The following SGK1 variants were observed in gnomAD, a reference collection of about 807,000 sequenced individuals.
SGK1 encodes serum/glucocorticoid regulated kinase 1.
SGK1 carries 26 observed loss-of-function variants against 64.2 expected under a neutral mutation model. The ratio of observed to expected loss-of-function variants is 0.40; its 90% CI spans 0.30 to 0.56. The LOEUF is 0.56. Ranked by LOEUF, SGK1 falls within the 20% of genes least tolerant of loss-of-function variation. The probability of loss-of-function intolerance (pLI) is 0.38; values close to 1 mark genes in which losing one functional copy is unlikely to be tolerated. For synonymous variants in SGK1, 265 were observed against 239.7 expected (o/e 1.11, Z -0.98); for missense variants, 519 against 645.6 (o/e 0.80, Z 2.12).
intron 2 of SGK1, among the ~76,000 whole-genome samples, chr6:134,248,106 C>T (rs1247311792): frequency 6.6e-6 from 1 of 152,058 alleles, no homozygotes; most frequent in Non-Finnish European, 1.5e-5. Flanking sequence ...CACTTGTTCA[C>T]ATAAGCTATT....
rs369859676 is a variant in SGK1, at chr6:134,221,944, C to T, written c.286-14513G>A. The stretch of plus-strand genomic sequence containing the variant: ...CTAGGATTACAGGTGTGAGCTACCA[C>T]GCCCGGCTGGCATTCAATAAATCTT... On this transcript the variant is annotated intron_variant, in intron 2 of 13. Coordinates refer to ENST00000367858, the MANE Select transcript of SGK1 (RefSeq NM_001143676.3). Among the ~76,000 whole-genome samples the T allele has an allele frequency of 3.9e-5, 6 of 152,310 alleles. No homozygotes were observed. The East Asian group carries it at 5.8e-4, about 15-fold the overall frequency.
intron 2 of SGK1, among the ~76,000 whole-genome samples, chr6:134,232,411 A>AAGAAAAGAAAGAGAGAGAGAGAGAGAGAG (rs771204086): frequency 3.3e-5 from 1 of 30,282 alleles, no homozygotes; most frequent in African/African-American, 1.0e-4. Flanking sequence ...AAAAGAAAGA[A>AAGAAAAGAAAGAGAGAGAGAGAGAGAGAG]AGAGAAAGAA....
intron 3 of SGK1, among the ~76,000 whole-genome samples, chr6:134,182,586 C>T (rs908649837): frequency 6.6e-6 from 1 of 152,102 alleles, no homozygotes; most frequent in African/African-American, 2.4e-5. Flanking sequence ...TATTTGCCAG[C>T]CCCACCCTAC....
intron 3 of SGK1, among the ~76,000 whole-genome samples, chr6:134,177,160 G>T (rs1015224820): frequency 1.3e-5 from 2 of 152,158 alleles, no homozygotes; most frequent in Non-Finnish European, 2.9e-5. Flanking sequence ...GTTGCAGTGA[G>T]CCGAGATCAC....
At position 134,298,215 on chromosome 6, in the gene SGK1, C is replaced by T. The variant is rs1301274174; in HGVS notation, c.69+19177G>A. On this transcript the variant is annotated intron_variant, in intron 1 of 13. Coordinates refer to ENST00000367858, the MANE Select transcript of SGK1 (RefSeq NM_001143676.3). ...CCTGCATGTTGCCAAGCTCTGCCTC[C>T]AGCTTCAGCTTCTCCTGGCCCCGAG... 6 of 1,562,146 alleles carry T rather than the reference C, an allele frequency of 3.8e-6. No individual in the cohort carries two copies. The East Asian group carries it at 1.1e-4, about 29-fold the overall frequency.
At chr6:134,246,771 T>C (rs919200019) in intron 2 of SGK1, among the ~76,000 whole-genome samples, 4 of 152,118 alleles carry the variant, frequency 2.6e-5, no homozygotes, top group African/African-American at 9.6e-5. Flanking sequence ...TTTTGTATTT[T>C]TAGTAGAGAC....
At chr6:134,232,381 T>A in intron 2 of SGK1, among the ~76,000 whole-genome samples, 1 of 72,448 alleles carries the variant, frequency 1.4e-5, no homozygotes, top group African/African-American at 5.7e-5. Context: ...CAAGACTCTG[T>A]CTCAAAAAAA....
At chr6:134,202,846 T>C (rs1164454046) in intron 3 of SGK1, among the ~76,000 whole-genome samples, 1 of 152,144 alleles carries the variant, frequency 6.6e-6, no homozygotes. Context: ...AGTACATATA[T>C]AGATAATACA....
chr6:134,270,664 C>T (rs189621088), intron 1 of SGK1, among the ~76,000 whole-genome samples: 2 of 148,412 alleles, frequency 1.3e-5, no homozygotes, highest in Non-Finnish European at 1.5e-5. Context: ...GTTGCATCCT[C>T]TTCTAGATTC....
At chr6:134,271,443 C>T (rs914349419) in intron 1 of SGK1, among the ~76,000 whole-genome samples, 4 of 147,510 alleles carry the variant, frequency 2.7e-5, no homozygotes, top group African/African-American at 9.8e-5. Flanking sequence ...ACTATCTCTA[C>T]GGGACAGTGT....
chr6:134,266,520 CAGA>C (rs941784776), intron 1 of SGK1, among the ~76,000 whole-genome samples: 9 of 152,046 alleles, frequency 5.9e-5, no homozygotes, highest in Admixed American at 5.9e-4. Context: ...GAGGCTGAAG[CAGA>C]AGAACGGCTT....
chr6:134,210,774 G>C (rs979424277), intron 2 of SGK1, among the ~76,000 whole-genome samples: 1 of 145,448 alleles, frequency 6.9e-6, no homozygotes, highest in Non-Finnish European at 1.5e-5. Context: ...ATTGTGTCAC[G>C]GCACTCCTGC....
chr6:134,245,798 C>T (rs1248842990), intron 2 of SGK1, among the ~76,000 whole-genome samples: 2 of 152,044 alleles, frequency 1.3e-5, no homozygotes, highest in African/African-American at 4.8e-5. Flanking sequence ...CCAGACCAGC[C>T]CAGGCAACAT....
chr6:134,259,154 T>C (rs1776726166), intron 2 of SGK1, among the ~76,000 whole-genome samples: 1 of 152,216 alleles, frequency 6.6e-6, no homozygotes, highest in Non-Finnish European at 1.5e-5. Flanking sequence ...TTAAATTCCT[T>C]TCAGCTTTGT....
chr6:134,224,526 A>G (rs1776138483), intron 2 of SGK1, among the ~76,000 whole-genome samples: 1 of 152,146 alleles, frequency 6.6e-6, no homozygotes, highest in South Asian at 2.1e-4. Context: ...TATTTTCCAC[A>G]GCATTTCCAT....
chr6:134,232,258 G>T (rs1776289612), intron 2 of SGK1, among the ~76,000 whole-genome samples: 1 of 150,302 alleles, frequency 6.7e-6, no homozygotes, highest in African/African-American at 2.5e-5. Flanking sequence ...GGTGGCAAGT[G>T]CCTGTAATCC....
chr6:134,293,027 C>T (rs944310078), intron 1 of SGK1, among the ~76,000 whole-genome samples: 1 of 152,198 alleles, frequency 6.6e-6, no homozygotes, highest in Non-Finnish European at 1.5e-5. Context: ...CCAGACTGTG[C>T]TTTCAGATAA....
chr6:134,176,703 C>A (rs1460346593), intron 3 of SGK1, among the ~76,000 whole-genome samples: 1 of 152,206 alleles, frequency 6.6e-6, no homozygotes, highest in African/African-American at 2.4e-5. Flanking sequence ...CCCGAAATAC[C>A]AGCTGTCAAA....
intron 3 of SGK1, among the ~76,000 whole-genome samples, chr6:134,201,392 C>T (rs370541281): frequency 7.3e-5 from 11 of 150,962 alleles, no homozygotes; most frequent in South Asian, 2.1e-4. Flanking sequence ...GATAGAGTCT[C>T]GCTCTGTTGC....
Sources: allele counts gnomAD v4.1 joint callset (sites outside exome capture counted in the v4.1 genomes callset), GRCh38; gene constraint gnomAD v4.1.1; transcripts MANE v1.5; gene names NCBI Gene and HGNC (gene_info 2026-07-23, HGNC 2026-07-21).